GABRP: variants seen among roughly 807,000 people sequenced by gnomAD.
GABRP encodes gamma-aminobutyric acid type A receptor subunit pi.
In GABRP, 52 loss-of-function variants were observed where a neutral mutation model predicts 47.8. The ratio of observed to expected loss-of-function variants is 1.09; its 90% confidence interval spans 0.87 to 1.37. GABRP has a LOEUF of 1.37. GABRP is among the 40% of genes most tolerant of loss of function. GABRP has a pLI of 0.00. For missense variants in GABRP, 525 were observed against 542.8 expected (o/e 0.97, Z 0.33); for synonymous variants, 221 against 205.8 (o/e 1.07, Z -0.63).
At chr5:170,788,818 C>A (rs1381823657) in intron 2 of GABRP, 150 bp downstream of exon 2, 9 of 732,402 alleles carry the variant, frequency 1.2e-5, no homozygotes, top group Non-Finnish European at 1.9e-5. Context: ...AAACTTCCTG[C>A]CATTTACTCT....
chr5:170,799,892 A>T (rs879327046), intron 6 of GABRP, among the ~76,000 whole-genome samples: 1 of 152,218 alleles, frequency 6.6e-6, no homozygotes, highest in Non-Finnish European at 1.5e-5. Flanking sequence ...GGAAGAATCA[A>T]TATCGTGAAA....
chr5:170,804,932 A>G (rs10043047), intron 6 of GABRP, among the ~76,000 whole-genome samples: 21,694 of 148,642 alleles, frequency 0.15, 1,678 homozygotes, highest in South Asian at 0.23. Context: ...AGGAAAAAAT[A>G]TAAGCTTTAC....
At chr5:170,806,677 A>C (rs922206988) in intron 7 of GABRP, among the ~76,000 whole-genome samples, 1 of 152,062 alleles carries the variant, frequency 6.6e-6, no homozygotes, top group Non-Finnish European at 1.5e-5. Context: ...CCTGACCTCA[A>C]GTGATCCACC....
chr5:170,811,294 C>A (rs1765876957), intron 9 of GABRP, among the ~76,000 whole-genome samples: 1 of 151,438 alleles, frequency 6.6e-6, no homozygotes, highest in African/African-American at 2.4e-5. Context: ...GGTCAAGGAA[C>A]CAAACCACAC....
In GABRP at chr5:170,812,391, G is replaced by C; in HGVS notation, c.*133G>C. On this transcript the variant is annotated 3_prime_UTR_variant, in exon 10 of 10. Transcript: ENST00000265294. ...ACTGAAATAATATTTGAGTCTTTCT[G>C]CTCAAAGAATGAAGCTCCAACCATT... 1 of 706,478 alleles carries C rather than the reference G, an allele frequency of 1.4e-6. No homozygotes were observed. Among genetic ancestry groups the C allele is most frequent in the Non-Finnish European group, 2.4e-6 (1 of 425,508 alleles). 43.8% of individuals were successfully genotyped at this position (706,478 alleles called of 1,614,324 possible).
At chr5:170,791,294 C>T (rs911544719) in intron 3 of GABRP, among the ~76,000 whole-genome samples, 1 of 152,234 alleles carries the variant, frequency 6.6e-6, no homozygotes, top group Non-Finnish European at 1.5e-5. Flanking sequence ...CCCCATACCC[C>T]TTGTTTTGTG....
intron 7 of GABRP, 75 bp from the exon 8 acceptor site, chr5:170,808,525 T>C: frequency 2.4e-6 from 3 of 1,244,954 alleles, no homozygotes; most frequent in East Asian, 4.7e-5. Context: ...AATGTACATA[T>C]AGTTAAGCAT....
chr5:170,809,466 C>T (rs556557445), intron 8 of GABRP, 102 bp from the exon 9 acceptor site: 327 of 1,109,726 alleles, frequency 2.9e-4, no homozygotes, highest in Middle Eastern at 1.5e-3. Context: ...ATTTCTGGGT[C>T]TTGCCCTCAC....
rs1765938361 is a variant in GABRP, at chr5:170,813,189, G to A, written c.*931G>A. 1 of 152,068 alleles carries A rather than the reference G, an allele frequency of 6.6e-6. No homozygotes were observed. The highest frequency in any genetic ancestry group is 2.4e-5 in the African/African-American group (1 of 41,390). 9.4% of individuals were successfully genotyped at this position (152,068 alleles called of 1,614,324 possible). A position where few individuals can be genotyped will look rare whatever the true frequency, so the allele number is the denominator to read the frequency against. On this transcript the variant is annotated 3_prime_UTR_variant, in exon 10 of 10. Transcript: ENST00000265294. ...TAGTGATGGGGTACTAAAAGTACTGGGTTGACTCAGAGAGTCGCTGTCATT... is the reference window on the plus strand; with the variant it reads ...TAGTGATGGGGTACTAAAAGTACTGAGTTGACTCAGAGAGTCGCTGTCATT...
chr5:170,792,008 G>A (rs1323175862), intron 3 of GABRP, among the ~76,000 whole-genome samples: 1 of 152,214 alleles, frequency 6.6e-6, no homozygotes, highest in Non-Finnish European at 1.5e-5. Flanking sequence ...CATGGCACCA[G>A]TTCCACCATG....
At chr5:170,788,412 G>A (rs1353796811) in intron 1 of GABRP, 162 bp from the exon 2 acceptor site, 3 of 511,158 alleles carry the variant, frequency 5.9e-6, no homozygotes, top group Admixed American at 3.5e-5. Context: ...TTCCTGGAGG[G>A]AACACAGGGA....
chr5:170,793,684 C>T (rs1765341064), intron 3 of GABRP, among the ~76,000 whole-genome samples: 1 of 152,146 alleles, frequency 6.6e-6, no homozygotes, highest in African/African-American at 2.4e-5. Context: ...CTTACAAATG[C>T]CATAGGAAAA....
chr5:170,788,704 C>T (rs778694684), intron 2 of GABRP, 36 bp downstream of exon 2: 50 of 1,601,482 alleles, frequency 3.1e-5, no homozygotes, highest in Admixed American at 2.0e-4. Flanking sequence ...CCTCCATCTG[C>T]GTTGCTTTGC....
chr5:170,787,611 G>A (rs1765159130), intron 1 of GABRP, among the ~76,000 whole-genome samples: 1 of 149,022 alleles, frequency 6.7e-6, no homozygotes, highest in Non-Finnish European at 1.5e-5. Flanking sequence ...AAGGAAGAGA[G>A]TACCGGGGGG....
At chr5:170,794,738 A>G (rs980087884) in intron 4 of GABRP, among the ~76,000 whole-genome samples, 1 of 152,056 alleles carries the variant, frequency 6.6e-6, no homozygotes. Flanking sequence ...TTAAGAGAAC[A>G]TATTCGAGAC....
At chr5:170,806,529 G>A (rs973760791) in intron 7 of GABRP, among the ~76,000 whole-genome samples, 16 of 151,680 alleles carry the variant, frequency 1.1e-4, no homozygotes, top group African/African-American at 3.6e-4. Flanking sequence ...TGCAACCTTC[G>A]CCTCCCAGGT....
In GABRP at chr5:170,799,732, G is replaced by A. The variant is rs140671802; in HGVS notation, c.541+2184G>A. Among the ~76,000 whole-genome samples, 342 of 152,186 alleles carry A rather than the reference G, an allele frequency of 2.2e-3. 1 individual carries two copies. Among genetic ancestry groups the A allele is most frequent in the African/African-American group, 7.9e-3 (326 of 41,504 alleles). On this transcript the variant is annotated intron_variant, in intron 6 of 9. Transcript: ENST00000265294. Reference sequence around the variant, plus strand: ...AAAATTTTCCCCCATTCTGTAGGTTGCCTGTTCACTCTGATTGTAGTTTCT... The same window carrying A: ...AAAATTTTCCCCCATTCTGTAGGTTACCTGTTCACTCTGATTGTAGTTTCT...
chr5:170,808,752 G>T lies in GABRP; in HGVS notation c.832G>T (p.Gly278Ter), dbSNP rs1352692015. 1 of 1,613,498 alleles carries T rather than the reference G, an allele frequency of 6.2e-7. No homozygotes were observed. Among genetic ancestry groups the T allele is most frequent in the Non-Finnish European group, 8.5e-7 (1 of 1,179,748 alleles). ...LDSVPARTCI[G>*]VTTVLSMTTL... ...TTCAGTCCCTGCAAGAACCTGCATT[G>T]GTAAGCAGCTCCAACAGGAGATTTC... is the stretch of plus-strand genomic sequence containing the variant. Residue 278 changes from glycine to a stop codon, truncating the protein, a stop_gained and splice_region_variant, in exon 8 of 10, where the codon GGA becomes TGA. Coordinates refer to ENST00000265294, the MANE Select transcript of GABRP (RefSeq NM_014211.3). LOFTEE classifies it high-confidence loss of function.
intron 3 of GABRP, 137 bp from the exon 4 acceptor site, chr5:170,794,094 A>T (rs1765354284): frequency 4.3e-6 from 2 of 461,992 alleles, no homozygotes; most frequent in South Asian, 7.3e-5. Flanking sequence ...TTTTCTTTTT[A>T]TATTTATAGA....
Sources: gnomAD v4.1 joint callset for allele counts (sites outside exome capture counted in the v4.1 genomes callset) on GRCh38, gnomAD v4.1.1 for gene constraint, MANE v1.5 for transcripts, NCBI Gene and HGNC (gene_info 2026-07-23, HGNC 2026-07-21) for gene names.